Variants in NOL4 observed in about 807,000 individuals in gnomAD.
NOL4 encodes the protein cancer/testis antigen 125.
In NOL4, 17 loss-of-function variants were observed where a neutral mutation model predicts 75.9. The observed-to-expected ratio is 0.22, with a 90% CI of 0.15 to 0.34. NOL4 has a LOEUF of 0.34. Among genes scored for constraint, NOL4 ranks in the 10% least tolerant of loss-of-function variants. The pLI, the probability that NOL4 is intolerant of heterozygous loss-of-function variation, is 1.00. For missense variants in NOL4, 614 were observed against 793.5 expected, an observed-to-expected ratio of 0.77 and a Z score of 2.72; for synonymous variants, 292 against 289.9, an observed-to-expected ratio of 1.01 and a Z score of -0.07.
rs1283430863 is a variant in NOL4 at position 33,942,195 on chromosome 18, GTCTT to G, written c.1542+866_1542+869del. On this transcript the variant is annotated intron_variant, in intron 9 of 10. Transcript: ENST00000261592. ...ATCAAAATTGAACTAACTTACTTTA[GTCTT>G]GACTCATCTCATCCTCAATTAGCAA... Among the ~76,000 whole-genome samples the G allele has an allele frequency of 2.0e-4, 30 of 152,032 alleles. No homozygotes were observed. In the South Asian group the frequency reaches 3.5e-3, roughly 18 times the overall value.
intron 5 of NOL4, among the ~76,000 whole-genome samples, chr18:34,052,325 C>G (rs901840541): frequency 2.0e-5 from 3 of 151,840 alleles, no homozygotes; most frequent in African/African-American, 7.3e-5. Context: ...TACTTTGACA[C>G]CATTGTCTTT....
Position 34,104,054 on chromosome 18 carries a change from T to G in NOL4, c.632A>C (p.Gln211Pro), listed in dbSNP as rs747101639. The change falls in exon 4 of 11, where the codon CAA becomes CCA. Residue 211 changes from glutamine to proline, a missense_variant. Physicochemically the swap from Gln to Pro is moderately conservative, Grantham distance 76. This residue lies in a region of NOL4 where 135 missense variants were observed against 220.4 expected (regional missense o/e 0.61). Transcript: ENST00000261592. The part of the protein sequence containing the change: ...HMKLQLLNSQ[Q>P]DEDESSIESD... ...TAGATGTTTTTATTTTACCTCATCT[T>G]GCTGTGAGTTTAGCAGCTGCAGCTT... The G allele has an allele frequency of 6.2e-7, 1 of 1,607,370 alleles. No homozygotes were observed.
At chr18:34,091,845 T>C (rs189804337) in intron 5 of NOL4, among the ~76,000 whole-genome samples, 4 of 152,208 alleles carry the variant, frequency 2.6e-5, no homozygotes, top group South Asian at 2.1e-4. Context: ...GGTTAGAATA[T>C]CATCAATATA....
chr18:33,945,394 A>G (rs1222014408), intron 8 of NOL4, among the ~76,000 whole-genome samples: 5 of 151,866 alleles, frequency 3.3e-5, no homozygotes, highest in Non-Finnish European at 7.4e-5. Context: ...TGGAGAACGT[A>G]AGTAAAATAC....
intron 5 of NOL4, among the ~76,000 whole-genome samples, chr18:34,063,274 T>C (rs1272152100): frequency 6.6e-6 from 1 of 152,076 alleles, no homozygotes; most frequent in Non-Finnish European, 1.5e-5. Flanking sequence ...GTAGAACCAC[T>C]GAGCCAAAGG....
chr18:33,903,616 G>C (rs912489488), intron 9 of NOL4, among the ~76,000 whole-genome samples: 2 of 152,002 alleles, frequency 1.3e-5, no homozygotes, highest in African/African-American at 4.8e-5. Context: ...TGAGACACAG[G>C]GATAGGCCAC....
chr18:34,091,958 G>A (rs1160481138), intron 5 of NOL4, among the ~76,000 whole-genome samples: 1 of 152,002 alleles, frequency 6.6e-6, no homozygotes, highest in Non-Finnish European at 1.5e-5. Context: ...TTGTGCCATA[G>A]CCAAAGACCT....
intron 1 of NOL4, among the ~76,000 whole-genome samples, chr18:34,153,152 T>C (rs937568960): frequency 3.3e-5 from 5 of 151,888 alleles, no homozygotes; most frequent in Admixed American, 2.0e-4. Flanking sequence ...ATTTTTCATA[T>C]ACCCATGTAC....
intron 1 of NOL4, among the ~76,000 whole-genome samples, chr18:34,197,855 A>C (rs1257647627): frequency 2.0e-5 from 3 of 152,000 alleles, no homozygotes; most frequent in African/African-American, 7.2e-5. Flanking sequence ...AAATGGGTTG[A>C]TAAAAATGAA....
At chr18:34,006,494 G>T (rs937248383) in intron 6 of NOL4, among the ~76,000 whole-genome samples, 1 of 151,970 alleles carries the variant, frequency 6.6e-6, no homozygotes, top group Non-Finnish European at 1.5e-5. Flanking sequence ...TCATCCCCTG[G>T]GGTAACCAGC....
At chr18:33,923,674 A>T (rs116119774) in intron 9 of NOL4, among the ~76,000 whole-genome samples, 1,751 of 152,252 alleles carry the variant, frequency 0.012, 30 homozygotes, top group African/African-American at 0.04. Flanking sequence ...AATGTATTGT[A>T]TATGTTTACA....
chr18:34,082,819 T>G (rs765958952), intron 5 of NOL4, among the ~76,000 whole-genome samples: 1 of 152,188 alleles, frequency 6.6e-6, no homozygotes, highest in Non-Finnish European at 1.5e-5. Flanking sequence ...CCAGGAATGA[T>G]TCTCCCTAAC....
At chr18:34,169,789 A>G (rs549815617) in intron 1 of NOL4, among the ~76,000 whole-genome samples, 9 of 152,282 alleles carry the variant, frequency 5.9e-5, no homozygotes, top group Admixed American at 2.0e-4. Context: ...AAAAAAACAC[A>G]TTTGACAAAA....
chr18:34,000,854 G>A (rs1049676613), intron 6 of NOL4, among the ~76,000 whole-genome samples: 4 of 152,078 alleles, frequency 2.6e-5, no homozygotes, highest in African/African-American at 7.2e-5. Flanking sequence ...CTACTCAGAA[G>A]TACTGAATAA....
At chr18:34,154,573 A>AT (rs1456461226) in intron 1 of NOL4, among the ~76,000 whole-genome samples, 3 of 151,916 alleles carry the variant, frequency 2.0e-5, no homozygotes, top group Non-Finnish European at 4.4e-5. Flanking sequence ...TTATTTAACA[A>AT]TTTTTTTCAG....
At chr18:33,952,808 C>A (rs2069336378) in intron 8 of NOL4, among the ~76,000 whole-genome samples, 1 of 152,092 alleles carries the variant, frequency 6.6e-6, no homozygotes, top group Admixed American at 6.6e-5. Flanking sequence ...CCTGTTATCC[C>A]AGCTACTCAG....
intron 9 of NOL4, among the ~76,000 whole-genome samples, chr18:33,895,332 A>G (rs938562206): frequency 2.0e-5 from 3 of 152,148 alleles, no homozygotes; most frequent in Admixed American, 2.0e-4. Context: ...TATTAAAAGT[A>G]AAAATGGAGA....
chr18:34,070,064 C>T (rs1007483451), intron 5 of NOL4, among the ~76,000 whole-genome samples: 1 of 152,234 alleles, frequency 6.6e-6, no homozygotes, highest in Non-Finnish European at 1.5e-5. Flanking sequence ...CGGAGTCTCG[C>T]TCAGTCGCCC....
chr18:33,905,580 C>T (rs551267825), intron 9 of NOL4, among the ~76,000 whole-genome samples: 58 of 152,238 alleles, frequency 3.8e-4, no homozygotes, highest in Non-Finnish European at 4.1e-4. Context: ...TAGGATTTCT[C>T]AGTCTATTGC....
Sources: allele counts gnomAD v4.1 joint callset (sites outside exome capture counted in the v4.1 genomes callset), GRCh38; gene constraint gnomAD v4.1.1; regional missense constraint gnomAD v4.1.1; transcripts MANE v1.5; gene names NCBI Gene and HGNC (gene_info 2026-07-23, HGNC 2026-07-21).